Variants in SMYD1 observed in about 807,000 individuals in gnomAD.
The protein encoded by SMYD1 is histone-lysine N-methyltransferase SMYD1.
In SMYD1, 49 loss-of-function variants were observed where a neutral mutation model predicts 54.0. That is an observed-to-expected ratio of 0.91 (90% CI 0.72 to 1.15). SMYD1 has a LOEUF of 1.15. SMYD1 is among the 50% of genes most tolerant of loss of function. SMYD1 has a pLI of 0.00. For synonymous variants in SMYD1, 269 were observed against 234.2 expected, an observed-to-expected ratio of 1.15 and a Z score of -1.36; for missense variants, 653 against 639.6, an observed-to-expected ratio of 1.02 and a Z score of -0.23.
chr2:88,097,803 G>GCACACA (rs3028133), intron 6 of SMYD1, among the ~76,000 whole-genome samples: 6 of 149,792 alleles, frequency 4.0e-5, no homozygotes, highest in African/African-American at 9.9e-5. Context: ...ACATTAAAAG[G>GCACACA]CACACACACA....
In SMYD1 at chr2:88,108,509, A is replaced by G. The variant is rs775777945; in HGVS notation, c.1284A>G (p.Gly428=). Residue 428 remains glycine, a synonymous_variant, in exon 9 of 10, where the codon GGA becomes GGG. Transcript: ENST00000419482. ...KAYAILLVTH[G]PSHPITKDLE... is the part of the protein sequence containing the mutation. ...ATGCCATTCTCCTGGTGACACACGG[A>G]CCCTCCCACCCCATCACTAAGGACT... 5.6e-6 allele frequency: 9 copies of G among 1,603,174 alleles called. No individual in the cohort carries two copies. Among genetic ancestry groups the G allele is most frequent in the African/African-American group, 1.3e-5 (1 of 74,348 alleles).
At chr2:88,077,191 C>T (rs1311414281) in intron 1 of SMYD1, among the ~76,000 whole-genome samples, 1 of 152,160 alleles carries the variant, frequency 6.6e-6, no homozygotes, top group Non-Finnish European at 1.5e-5. Flanking sequence ...TTTATCTGTC[C>T]GTGAGCAACT....
chr2:88,099,392 T>TC (rs1173368840), intron 6 of SMYD1, among the ~76,000 whole-genome samples: 1 of 152,158 alleles, frequency 6.6e-6, no homozygotes, highest in African/African-American at 2.4e-5. Flanking sequence ...GGTGGGTTTT[T>TC]CCCTTTCTCT....
chr2:88,106,462 T>G lies in SMYD1; in HGVS notation c.1119T>G (p.Tyr373Ter). 1 of 1,614,138 alleles carries G rather than the reference T, an allele frequency of 6.2e-7. No individual in the cohort carries two copies. Among genetic ancestry groups the G allele is most frequent in the East Asian group, 2.2e-5 (1 of 44,876 alleles). ...AGGCCTTTGAGGAGGCCTCGTTCTA[T>G]GCCAGGAGGATGGTGGACGGCTATA... is the stretch of plus-strand genomic sequence containing the variant. ...YLQAFEEASFYARRMVDGYMK... is the reference protein window; with the variant it reads ...YLQAFEEASF Residue 373 changes from tyrosine to a stop codon, truncating the protein, a stop_gained, in exon 8 of 10, where the codon TAT becomes TAG. Transcript: ENST00000419482. LOFTEE classifies it high-confidence loss of function.
chr2:88,093,488 T>C (rs756949447), intron 4 of SMYD1, 29 bp from the exon 5 acceptor site: 2 of 1,614,034 alleles, frequency 1.2e-6, no homozygotes, highest in South Asian at 2.2e-5. Context: ...GATAATGATT[T>C]CCATATGGGT....
intron 3 of SMYD1, among the ~76,000 whole-genome samples, chr2:88,088,610 A>T (rs1350881762): frequency 6.8e-6 from 1 of 146,352 alleles, no homozygotes; most frequent in Non-Finnish European, 1.5e-5. Flanking sequence ...CCATCTCTGG[A>T]TGGTAGATTT....
At chr2:88,093,409 G>A in intron 4 of SMYD1, 108 bp from the exon 5 acceptor site, 1 of 1,315,698 alleles carries the variant, frequency 7.6e-7, no homozygotes, top group South Asian at 1.2e-5. Flanking sequence ...TATTGTGATG[G>A]CCAAAGCTTT....
At chr2:88,104,534 T>C (rs57584777) in intron 7 of SMYD1, among the ~76,000 whole-genome samples, 390 of 152,320 alleles carry the variant, frequency 2.6e-3, no homozygotes, top group African/African-American at 8.9e-3. Context: ...CTTCTCCTTC[T>C]CCATTCAGAC....
At chr2:88,084,966 C>T (rs554315661) in intron 2 of SMYD1, among the ~76,000 whole-genome samples, 1 of 152,118 alleles carries the variant, frequency 6.6e-6, no homozygotes, top group African/African-American at 2.4e-5. Flanking sequence ...CCCAGGGTAG[C>T]CTCGAACTCC....
intron 6 of SMYD1, among the ~76,000 whole-genome samples, chr2:88,097,537 T>C (rs1423431785): frequency 1.3e-5 from 2 of 152,178 alleles, no homozygotes; most frequent in African/African-American, 4.8e-5. Context: ...GAAGCTGTGC[T>C]CAGGGGGAGG....
intron 1 of SMYD1, among the ~76,000 whole-genome samples, chr2:88,073,108 G>A (rs1042633870): frequency 3.3e-5 from 5 of 152,000 alleles, no homozygotes; most frequent in African/African-American, 1.2e-4. Flanking sequence ...TCACATTTTT[G>A]TGTCTATACA....
chr2:88,095,872 A>G (rs1417459271), intron 5 of SMYD1, among the ~76,000 whole-genome samples: 2 of 152,324 alleles, frequency 1.3e-5, no homozygotes, highest in East Asian at 1.9e-4. Flanking sequence ...CACATTAGGT[A>G]AGGTGGGTAG....
At chr2:88,085,350 C>A (rs1481686752) in intron 2 of SMYD1, among the ~76,000 whole-genome samples, 1 of 152,108 alleles carries the variant, frequency 6.6e-6, no homozygotes, top group African/African-American at 2.4e-5. Flanking sequence ...TAGCTCCAGC[C>A]CAAGAGATTC....
chr2:88,084,251 C>G (rs751281939), intron 1 of SMYD1, 65 bp from the exon 2 acceptor site: 28 of 1,392,474 alleles, frequency 2.0e-5, no homozygotes, highest in Non-Finnish European at 2.6e-5. Context: ...CACAGGTGTC[C>G]CACTGGCTGC....
At chr2:88,086,114 C>T (rs917150537) in intron 2 of SMYD1, among the ~76,000 whole-genome samples, 26 of 152,204 alleles carry the variant, frequency 1.7e-4, no homozygotes, top group Admixed American at 1.4e-3. Context: ...GTAAGTAAAA[C>T]GGAAGAAATC....
chr2:88,075,417 G>C (rs1177517923), intron 1 of SMYD1, among the ~76,000 whole-genome samples: 4 of 152,110 alleles, frequency 2.6e-5, no homozygotes, highest in Non-Finnish European at 5.9e-5. Context: ...GGTCTTAGTA[G>C]GGTGTGTGAG....
chr2:88,100,643 T>C (rs1674700243), intron 6 of SMYD1, among the ~76,000 whole-genome samples: 1 of 152,084 alleles, frequency 6.6e-6, no homozygotes, highest in African/African-American at 2.4e-5. Context: ...TTAATTCCAA[T>C]AGGCTTAGGA....
At position 88,086,177 on chromosome 2, in the gene SMYD1, G is replaced by A. The variant is rs138093506; in HGVS notation, c.314+1685G>A. Among the ~76,000 whole-genome samples the A allele has an allele frequency of 8.3e-3, 1,268 of 152,300 alleles. 11 individuals carry two copies. The highest frequency in any genetic ancestry group is 0.014 in the Middle Eastern group (4 of 294). ...GGCTGTGATATTAGTTCTCTAAAAT[G>A]TTACCATTGGAGAAAACTGGGCAAA... On this transcript the variant is annotated intron_variant, in intron 2 of 9. Coordinates refer to ENST00000419482, the MANE Select transcript of SMYD1 (RefSeq NM_198274.4).
chr2:88,084,172 C>T (rs1674264592), intron 1 of SMYD1, 144 bp from the exon 2 acceptor site: 1 of 633,290 alleles, frequency 1.6e-6, no homozygotes, highest in South Asian at 4.3e-5. Context: ...GGCTCAAACT[C>T]CTCATTTTGG....
Sources: allele counts gnomAD v4.1 joint callset (sites outside exome capture counted in the v4.1 genomes callset), GRCh38; gene constraint gnomAD v4.1.1; transcripts MANE v1.5; gene names NCBI Gene and HGNC (gene_info 2026-07-23, HGNC 2026-07-21).